ENG: variants seen among roughly 807,000 people sequenced by gnomAD.
ENG encodes the protein endoglin.
A neutral mutation model predicts 71.0 loss-of-function variants in ENG; 17 were observed. The ratio of observed to expected loss-of-function variants is 0.24; its 90% CI spans 0.16 to 0.36. The LOEUF (loss-of-function observed/expected upper bound fraction) is 0.36, where lower values mean the gene tolerates loss of function less well. Among genes scored for constraint, ENG ranks in the 10% least tolerant of loss-of-function variants. ENG has a pLI of 1.00. For synonymous variants in ENG, 360 were observed against 366.9 expected (o/e 0.98, Z 0.21); for missense variants, 749 against 868.3 (o/e 0.86, Z 1.73).
intron 2 of ENG, among the ~76,000 whole-genome samples, chr9:127,841,873 G>A (rs41512447): frequency 0.015 from 2,243 of 152,302 alleles, 42 homozygotes; most frequent in African/African-American, 0.051. Flanking sequence ...CCCTGGGCAC[G>A]TCACTCCATC....
In ENG at chr9:127,854,361, C is replaced by T; in HGVS notation, c.-6G>A. ...GGGAGCGTGCCGCGGTCCATGCTGTCCACGTGGGGGCCTGTGCGCTGGGCC... is the reference window on the plus strand; with the variant it reads ...GGGAGCGTGCCGCGGTCCATGCTGTTCACGTGGGGGCCTGTGCGCTGGGCC... On this transcript the variant is annotated 5_prime_UTR_variant, in exon 1 of 15. Transcript: ENST00000373203. 1 of 1,585,296 alleles carries T rather than the reference C, an allele frequency of 6.3e-7. No homozygotes were observed. Among genetic ancestry groups the T allele is most frequent in the Non-Finnish European group, 8.6e-7 (1 of 1,166,338 alleles).
At chr9:127,837,168 A>G (rs550019623) in intron 2 of ENG, among the ~76,000 whole-genome samples, 1 of 152,288 alleles carries the variant, frequency 6.6e-6, no homozygotes, top group East Asian at 1.9e-4. Context: ...GGGGCTGGGA[A>G]GCATGGGTCC....
intron 8 of ENG, among the ~76,000 whole-genome samples, chr9:127,821,670 G>A (rs1448273788): frequency 6.6e-6 from 1 of 151,754 alleles, no homozygotes; most frequent in Non-Finnish European, 1.5e-5. Context: ...AAGGTCAGGA[G>A]TTCGAGACCA....
intron 2 of ENG, among the ~76,000 whole-genome samples, chr9:127,833,360 A>G (rs1452900063): frequency 2.6e-5 from 4 of 151,968 alleles, no homozygotes; most frequent in Admixed American, 2.0e-4. Context: ...CGTCTCTACT[A>G]AAAATACTAA....
At chr9:127,833,522 C>CAA (rs57982372) in intron 2 of ENG, among the ~76,000 whole-genome samples, 580 of 65,292 alleles carry the variant, frequency 8.9e-3, no homozygotes, top group Non-Finnish European at 0.011. Context: ...AACTCCGCCT[C>CAA]AAAAAAAAAA....
chr9:127,820,839 A>AAT (rs373566592), intron 8 of ENG, among the ~76,000 whole-genome samples: 125 of 149,114 alleles, frequency 8.4e-4, no homozygotes, highest in South Asian at 3.2e-3. Context: ...AAAAAAAAAA[A>AAT]ATATATATAT....
Position 127,818,194 on chromosome 9 carries a change from T to C in ENG, c.1612A>G (p.Thr538Ala), listed in dbSNP as rs1285967917. The C allele has an allele frequency of 2.5e-6, 4 of 1,614,116 alleles. No individual in the cohort carries two copies. Among genetic ancestry groups the C allele is most frequent in the Non-Finnish European group, 3.4e-6 (4 of 1,180,012 alleles). The change falls in exon 12 of 15, where the codon ACA becomes GCA. Residue 538 changes from threonine to alanine, a missense_variant. By Grantham distance (58) the Thr-to-Ala change is moderately conservative. Coordinates refer to ENST00000373203, the MANE Select transcript of ENG (RefSeq NM_001114753.3). ...GTGCCGGTTTTGGGTATGGGTACTGTGTAGAAGTGGAGGAGGAAGCTGAAG... is the reference window on the plus strand; with the variant it reads ...GTGCCGGTTTTGGGTATGGGTACTGCGTAGAAGTGGAGGAGGAAGCTGAAG... ...PRFSFLLHFYTVPIPKTGTLS... is the reference protein window; with the variant it reads ...PRFSFLLHFYAVPIPKTGTLS...
intron 12 of ENG, 169 bp downstream of exon 12, chr9:127,817,951 G>A (rs1028116434): frequency 4.9e-6 from 5 of 1,027,412 alleles, no homozygotes; most frequent in Admixed American, 4.7e-5. Flanking sequence ...GAAAGCTCTC[G>A]GGTGGCAGAA....
At chr9:127,824,690 A>G in intron 7 of ENG, 110 bp downstream of exon 7, 1 of 1,271,640 alleles carries the variant, frequency 7.9e-7, no homozygotes, top group Admixed American at 2.9e-5. Flanking sequence ...AATGAGGCTC[A>G]GAGAGGCTGA....
chr9:127,850,685 G>A (rs1219989445), intron 1 of ENG, among the ~76,000 whole-genome samples: 1 of 152,232 alleles, frequency 6.6e-6, no homozygotes, highest in Non-Finnish European at 1.5e-5. Flanking sequence ...GCAGCATGGG[G>A]ACTTTAAGTC....
At chr9:127,830,872 T>A (rs923590275) in intron 2 of ENG, among the ~76,000 whole-genome samples, 35 of 152,024 alleles carry the variant, frequency 2.3e-4, no homozygotes, top group African/African-American at 8.2e-4. Context: ...GTTTGCAATA[T>A]TCCTGCTTGT....
Sources: gnomAD v4.1 joint callset for allele counts (sites outside exome capture counted in the v4.1 genomes callset) on GRCh38, gnomAD v4.1.1 for gene constraint, MANE v1.5 for transcripts, NCBI Gene and HGNC (gene_info 2026-07-23, HGNC 2026-07-21) for gene names.